NCOR1: variants seen among roughly 807,000 people sequenced by gnomAD.
NCOR1 encodes the protein protein phosphatase 1, regulatory subunit 109.
NCOR1 carries 63 observed loss-of-function variants against 288.1 expected under a neutral mutation model. The ratio of observed to expected loss-of-function variants is 0.22; its 90% CI spans 0.18 to 0.27. The LOEUF (loss-of-function observed/expected upper bound fraction) is 0.27, where lower values mean the gene tolerates loss of function less well. NCOR1 is among the 10% of genes least tolerant of loss of function. The pLI is 1.00. For synonymous variants in NCOR1, 1,007 were observed against 1,065.9 expected, an observed-to-expected ratio of 0.94 and a Z score of 1.08; for missense variants, 2,397 against 3,019.2, an observed-to-expected ratio of 0.79 and a Z score of 4.83.
Position 16,127,411 on chromosome 17 carries a change from GTA to G in NCOR1, c.1510-1207_1510-1206del, listed in dbSNP as rs558065793. Among the ~76,000 whole-genome samples the G allele has an allele frequency of 3.1e-3, 289 of 92,214 alleles. 86 individuals are homozygous for G. Among genetic ancestry groups the G allele is most frequent in the Non-Finnish European group, 5.2e-3 (239 of 45,976 alleles). The allele number at this position is 92,214 out of a possible 152,430, so 60.5% of individuals were successfully genotyped here. ...TATATATACATGTGTATATGTGTAT[GTA>G]TATATACATGTGTATATGTGTATGT... On this transcript the variant is annotated intron_variant, in intron 14 of 45. Coordinates refer to ENST00000268712, the MANE Select transcript of NCOR1 (RefSeq NM_006311.4).
rs759534850 is a variant in NCOR1, at chr17:16,064,130, C to T, written c.5159G>A (p.Arg1720Gln). 9.3e-6 allele frequency: 15 copies of T among 1,613,852 alleles called. No individual in the cohort carries two copies. In the Admixed American group the frequency reaches 1.0e-4, roughly 11 times the overall value. ...CCGTTCCCGCTCCCGCTCCTTCTCC[C>T]GCTCCCGTTCCCGTTCCCTCTCAGC... Reference protein sequence around the residue: ...ASAEREREREREKERERERIA... With the variant: ...ASAEREREREQEKERERERIA... The change falls in exon 35 of 46, where the codon CGG (arginine) becomes CAG (glutamine). Residue 1720 changes from arginine to glutamine, a missense_variant. Around this residue, in one of 11 missense-constraint regions of NCOR1, gnomAD observed 1,872 missense variants for 2,187.8 expected, o/e 0.86. Transcript: ENST00000268712.
intron 37 of NCOR1, among the ~76,000 whole-genome samples, chr17:16,061,162 A>G (rs1367926545): frequency 6.6e-6 from 1 of 152,224 alleles, no homozygotes; most frequent in Non-Finnish European, 1.5e-5. Flanking sequence ...TCTGCCTTCT[A>G]CTTTCCAAAT....
intron 3 of NCOR1, among the ~76,000 whole-genome samples, chr17:16,179,148 T>C (rs1378547686): frequency 2.0e-5 from 3 of 152,094 alleles, no homozygotes; most frequent in Non-Finnish European, 2.9e-5. Context: ...ACTTAAAACC[T>C]AAACAGTGAG....
At chr17:16,181,211 A>ATATGTGTG (rs1555787779) in intron 3 of NCOR1, among the ~76,000 whole-genome samples, 3 of 139,498 alleles carry the variant, frequency 2.2e-5, no homozygotes, top group East Asian at 4.5e-4. Flanking sequence ...ATATATATGT[A>ATATGTGTG]TGTGTGTGTG....
At chr17:16,105,607 C>T (rs758438582) in intron 19 of NCOR1, among the ~76,000 whole-genome samples, 1 of 152,126 alleles carries the variant, frequency 6.6e-6, no homozygotes, top group Non-Finnish European at 1.5e-5. Flanking sequence ...GGTAGAGACA[C>T]ATGAGTTTGC....
intron 3 of NCOR1, among the ~76,000 whole-genome samples, chr17:16,185,182 A>G (rs151336694): frequency 6.6e-6 from 1 of 152,282 alleles, no homozygotes; most frequent in Non-Finnish European, 1.5e-5. Context: ...AGGACTACAG[A>G]TAATAATATA....
At chr17:16,071,744 G>T in intron 29 of NCOR1, 79 bp from the exon 30 acceptor site, 2 of 1,283,524 alleles carry the variant, frequency 1.6e-6, no homozygotes, top group South Asian at 1.6e-5. Flanking sequence ...ACTTAAAAAT[G>T]GTTAAAATGG....
At chr17:16,051,020 G>A (rs1452731921) in intron 40 of NCOR1, among the ~76,000 whole-genome samples, 1 of 151,762 alleles carries the variant, frequency 6.6e-6, no homozygotes, top group Non-Finnish European at 1.5e-5. Context: ...TAGTTTTTTT[G>A]TGGAGATGGG....
chr17:16,194,799 A>G (rs2089398250), intron 1 of NCOR1, among the ~76,000 whole-genome samples, 160 bp from the exon 2 acceptor site: 2 of 152,238 alleles, frequency 1.3e-5, no homozygotes, highest in Admixed American at 1.3e-4. Flanking sequence ...TGAAAACATT[A>G]ATGCATCATT....
intron 4 of NCOR1, among the ~76,000 whole-genome samples, chr17:16,165,536 T>C (rs1228434148): frequency 1.3e-5 from 2 of 152,208 alleles, no homozygotes; most frequent in East Asian, 1.9e-4. Context: ...AACAACTGGC[T>C]GGGAAATAGT....
Position 16,187,142 on chromosome 17 carries a change from A to G in NCOR1, c.109-455T>C, listed in dbSNP as rs115749076. On this transcript the variant is annotated intron_variant, in intron 2 of 45. Coordinates refer to ENST00000268712, the MANE Select transcript of NCOR1 (RefSeq NM_006311.4). ...CTAGTTAAGAGTAGTAGTTTTTCCC[A>G]TCAAAACTAGGTGAGTGTTTTTATG... Among the ~76,000 whole-genome samples the G allele has an allele frequency of 4.1e-3, 631 of 152,116 alleles. 7 individuals are homozygous for G. Among genetic ancestry groups the G allele is most frequent in the African/African-American group, 0.015 (609 of 41,514 alleles).
chr17:16,202,370 C>T (rs2090951447), intron 1 of NCOR1, among the ~76,000 whole-genome samples: 1 of 150,010 alleles, frequency 6.7e-6, no homozygotes, highest in African/African-American at 2.5e-5. Context: ...CCCTGCACTC[C>T]AGGCTGGACG....
intron 30 of NCOR1, 58 bp downstream of exon 30, chr17:16,071,351 C>G: frequency 1.3e-6 from 2 of 1,562,406 alleles, no homozygotes; most frequent in South Asian, 1.2e-5. Context: ...TTAAGTCACA[C>G]TTTTTTAAAT....
chr17:16,099,889 C>T (rs981144113), intron 20 of NCOR1, among the ~76,000 whole-genome samples: 5 of 152,264 alleles, frequency 3.3e-5, no homozygotes, highest in Non-Finnish European at 4.4e-5. Flanking sequence ...ATATAAAACA[C>T]TCTGAGGAAT....
Position 16,080,151 on chromosome 17 carries a change from C to G in NCOR1, c.3401-87G>C. 5.5e-6 allele frequency: 6 copies of G among 1,097,026 alleles called. No homozygotes were observed. The South Asian group carries it at 5.6e-5, about 10-fold the overall frequency. The allele number at this position is 1,097,026 out of a possible 1,614,324, so 68.0% of individuals were successfully genotyped here. A position where few individuals can be genotyped will look rare whatever the true frequency, so the allele number is the denominator to read the frequency against. On this transcript the variant is annotated intron_variant, in intron 25 of 45. Transcript: ENST00000268712. ...AACAGCCCCTACTTGGGAGAGTACTCAACTAAGAAGAAAAGAAAAAAGCAG... is the reference window on the plus strand; with the variant it reads ...AACAGCCCCTACTTGGGAGAGTACTGAACTAAGAAGAAAAGAAAAAAGCAG...
At chr17:16,119,318 A>T in intron 17 of NCOR1, 105 bp downstream of exon 17, 1 of 838,154 alleles carries the variant, frequency 1.2e-6, no homozygotes. Context: ...TGCCTTTTTG[A>T]AAGAATTTTT....
intron 26 of NCOR1, among the ~76,000 whole-genome samples, chr17:16,079,685 C>T (rs1010880622): frequency 2.0e-5 from 3 of 152,154 alleles, no homozygotes; most frequent in African/African-American, 7.2e-5. Flanking sequence ...AAAGCTTTTC[C>T]AGGAAGACAA....
At chr17:16,073,773 A>C (rs1388007518) in intron 27 of NCOR1, among the ~76,000 whole-genome samples, 1 of 152,258 alleles carries the variant, frequency 6.6e-6, no homozygotes, top group Non-Finnish European at 1.5e-5. Context: ...GCTAGGCATA[A>C]GCTAGGCTTG....
chr17:16,061,011 A>G (rs2060494473), intron 37 of NCOR1, among the ~76,000 whole-genome samples: 1 of 152,200 alleles, frequency 6.6e-6, no homozygotes, highest in African/African-American at 2.4e-5. Context: ...TGTCTTAGAA[A>G]AAGGATATTA....
Sources: gnomAD v4.1 joint callset for allele counts (sites outside exome capture counted in the v4.1 genomes callset) on GRCh38, gnomAD v4.1.1 for gene constraint, gnomAD v4.1.1 regional missense constraint, MANE v1.5 for transcripts, NCBI Gene and HGNC (gene_info 2026-07-23, HGNC 2026-07-21) for gene names.